DAPP1: variants seen among roughly 807,000 people sequenced by gnomAD.
DAPP1 encodes dual adaptor of phosphotyrosine and 3-phosphoinositides 1.
Under a neutral mutation model 41.5 loss-of-function variants are expected in DAPP1, and 20 were observed. That is an observed-to-expected ratio of 0.48 (90% CI 0.34 to 0.70). DAPP1 has a LOEUF of 0.70. DAPP1 is among the 30% of genes least tolerant of loss of function. The pLI, the probability that DAPP1 is intolerant of heterozygous loss-of-function variation, is 0.01. For missense variants in DAPP1, 233 were observed against 333.4 expected, an observed-to-expected ratio of 0.70 and a Z score of 2.35; for synonymous variants, 113 against 116.2, an observed-to-expected ratio of 0.97 and a Z score of 0.18.
At chr4:99,856,695 T>G (rs1406913982) in intron 4 of DAPP1, among the ~76,000 whole-genome samples, 1 of 152,236 alleles carries the variant, frequency 6.6e-6, no homozygotes, top group African/African-American at 2.4e-5. Context: ...CAAGTTAGCC[T>G]GCTGCAGTTT....
At chr4:99,865,734 G>A (rs1724399155) in intron 7 of DAPP1, 1 of 150,936 alleles carries the variant, frequency 6.6e-6, no homozygotes, top group Non-Finnish European at 1.5e-5. Context: ...AGTCTTATTC[G>A]AGTATATACA....
At position 99,869,202 on chromosome 4, in the gene DAPP1, G is replaced by A. The variant is rs1401701372; in HGVS notation, c.*1017G>A. ...TATTAAAGAGCAACTTCTATTTCCA[G>A]TCGGGGGAGTAACACTAAAGCTACA... On this transcript the variant is annotated 3_prime_UTR_variant, in exon 9 of 9. Coordinates refer to ENST00000512369, the MANE Select transcript of DAPP1 (RefSeq NM_014395.3). The A allele has an allele frequency of 6.6e-6, 1 of 152,134 alleles. No individual in the cohort carries two copies. Among genetic ancestry groups the A allele is most frequent in the Non-Finnish European group, 1.5e-5 (1 of 68,018 alleles). The allele number at this position is 152,134 out of a possible 1,614,324, so 9.4% of individuals were successfully genotyped here.
At chr4:99,863,892 T>C (rs1364314056) in intron 7 of DAPP1, 37 bp downstream of exon 7, 1 of 1,347,468 alleles carries the variant, frequency 7.4e-7, no homozygotes, top group Admixed American at 2.1e-5. Context: ...TTTTAATGTC[T>C]TCTTGCCAGA....
intron 2 of DAPP1, among the ~76,000 whole-genome samples, chr4:99,839,986 C>T (rs1266125503): frequency 6.6e-6 from 1 of 152,170 alleles, no homozygotes; most frequent in Admixed American, 6.5e-5. Context: ...CACTTGAATC[C>T]AGGAGGCGGA....
intron 1 of DAPP1, among the ~76,000 whole-genome samples, chr4:99,831,125 T>A (rs1260796121): frequency 6.6e-6 from 1 of 152,252 alleles, no homozygotes; most frequent in Non-Finnish European, 1.5e-5. Context: ...TATATCTTAA[T>A]ATGTAAGCAT....
intron 2 of DAPP1, among the ~76,000 whole-genome samples, chr4:99,837,278 T>C (rs1287946204): frequency 3.3e-5 from 5 of 152,138 alleles, no homozygotes; most frequent in Non-Finnish European, 5.9e-5. Flanking sequence ...ATTGAATAAT[T>C]GGGATAAAGT....
chr4:99,870,853 G>A (rs189467867), downstream of DAPP1, among the ~76,000 whole-genome samples: 2 of 152,266 alleles, frequency 1.3e-5, no homozygotes, highest in African/African-American at 4.8e-5. Flanking sequence ...TAATACAGAT[G>A]GTTCCTGACT....
chr4:99,835,882 A>C, intron 2 of DAPP1, 137 bp downstream of exon 2: 8 of 1,126,682 alleles, frequency 7.1e-6, no homozygotes, highest in Middle Eastern at 2.1e-4. Context: ...CAAACTCTAA[A>C]TGATGAGGGT....
At chr4:99,828,998 T>A (rs1477559656) in intron 1 of DAPP1, among the ~76,000 whole-genome samples, 1 of 152,182 alleles carries the variant, frequency 6.6e-6, no homozygotes, top group Non-Finnish European at 1.5e-5. Flanking sequence ...TAGAAGAATT[T>A]TTTTTTTAAG....
At chr4:99,833,044 G>A (rs554848976) in intron 1 of DAPP1, among the ~76,000 whole-genome samples, 1 of 152,302 alleles carries the variant, frequency 6.6e-6, no homozygotes, top group African/African-American at 2.4e-5. Flanking sequence ...CTGCTGGCTC[G>A]AACTGAAACT....
At chr4:99,863,456 T>C (rs889048779) in intron 6 of DAPP1, among the ~76,000 whole-genome samples, 1 of 152,158 alleles carries the variant, frequency 6.6e-6, no homozygotes, top group African/African-American at 2.4e-5. Flanking sequence ...TTCTCACTTT[T>C]CTTATATAAC....
At chr4:99,817,551 G>A (rs548529025) in intron 1 of DAPP1, among the ~76,000 whole-genome samples, 10 of 152,252 alleles carry the variant, frequency 6.6e-5, no homozygotes, top group South Asian at 2.1e-4. Context: ...ATTTGATATC[G>A]TATGTATGTC....
intron 1 of DAPP1, among the ~76,000 whole-genome samples, chr4:99,827,309 C>T (rs568646613): frequency 7.2e-5 from 11 of 151,810 alleles, no homozygotes; most frequent in African/African-American, 2.4e-4. Flanking sequence ...CTGAGGCGGG[C>T]GGATCACGAG....
chr4:99,817,624 C>T (rs1722634196), intron 1 of DAPP1, among the ~76,000 whole-genome samples: 1 of 152,178 alleles, frequency 6.6e-6, no homozygotes, highest in African/African-American at 2.4e-5. Flanking sequence ...ATTTCTGCTT[C>T]AAACAGGTAA....
At chr4:99,866,734 A>G in intron 8 of DAPP1, 1 of 545,206 alleles carries the variant, frequency 1.8e-6, no homozygotes, top group Non-Finnish European at 3.2e-6. Flanking sequence ...TATAAATACC[A>G]TCTTAAAAAC....
intron 1 of DAPP1, among the ~76,000 whole-genome samples, chr4:99,823,608 A>T (rs977411737): frequency 5.9e-5 from 9 of 152,162 alleles, no homozygotes; most frequent in African/African-American, 2.2e-4. Flanking sequence ...GAAAGCATGG[A>T]TATTTAGGTT....
chr4:99,847,182 G>C (rs1391089363), intron 3 of DAPP1, among the ~76,000 whole-genome samples: 1 of 151,994 alleles, frequency 6.6e-6, no homozygotes, highest in Admixed American at 6.6e-5. Context: ...GGCTAGCTGG[G>C]GTACCTGATG....
intron 3 of DAPP1, among the ~76,000 whole-genome samples, chr4:99,842,636 T>G (rs1723531455): frequency 6.6e-6 from 1 of 152,250 alleles, no homozygotes; most frequent in South Asian, 2.1e-4. Context: ...GCTCAAGTCA[T>G]GATGACTTGT....
chr4:99,853,202 T>A lies in DAPP1; in HGVS notation c.359-16T>A, dbSNP rs1049610116. Reference sequence around the variant, plus strand: ...TGGGAACACTGTTCGATTATATATTTTTCATCTTCATTCAGGCACTCTGAT... The same window carrying A: ...TGGGAACACTGTTCGATTATATATTATTCATCTTCATTCAGGCACTCTGAT... On this transcript the variant is annotated splice_polypyrimidine_tract_variant and intron_variant, in intron 3 of 8. Coordinates refer to ENST00000512369, the MANE Select transcript of DAPP1 (RefSeq NM_014395.3). 52 of 1,613,576 alleles carry A rather than the reference T, an allele frequency of 3.2e-5. No homozygotes were observed. The East Asian group carries it at 1.2e-3, about 36-fold the overall frequency.
Sources: allele counts gnomAD v4.1 joint callset (sites outside exome capture counted in the v4.1 genomes callset), GRCh38; gene constraint gnomAD v4.1.1; transcripts MANE v1.5; gene names NCBI Gene and HGNC (gene_info 2026-07-23, HGNC 2026-07-21).